CSNK1G3: variants seen among roughly 807,000 people sequenced by gnomAD.
CSNK1G3 encodes the protein casein kinase I isoform gamma-3.
A neutral mutation model predicts 64.3 loss-of-function variants in CSNK1G3; 23 were observed. The ratio of observed to expected loss-of-function variants is 0.36; its 90% CI spans 0.26 to 0.51. The LOEUF is 0.51. Ranked by LOEUF, CSNK1G3 falls within the 20% of genes least tolerant of loss-of-function variation. CSNK1G3 has a pLI of 0.96. For synonymous variants in CSNK1G3, 158 were observed against 162.2 expected (o/e 0.97, Z 0.20); for missense variants, 357 against 510.5 (o/e 0.70, Z 2.90).
At chr5:123,517,135 G>C (rs760877766) in intron 1 of CSNK1G3, among the ~76,000 whole-genome samples, 1 of 152,072 alleles carries the variant, frequency 6.6e-6, no homozygotes, top group Non-Finnish European at 1.5e-5. Flanking sequence ...AAAGACTCTC[G>C]GGAACACCCT....
At chr5:123,513,014 A>G (rs1166634635) in intron 1 of CSNK1G3, among the ~76,000 whole-genome samples, 2 of 151,880 alleles carry the variant, frequency 1.3e-5, no homozygotes, top group Admixed American at 6.5e-5. Context: ...TTCAGGCAGG[A>G]AGGAGGCATG....
chr5:123,608,826 ACT>A (rs1795813452), intron 12 of CSNK1G3, among the ~76,000 whole-genome samples: 3 of 152,048 alleles, frequency 2.0e-5, no homozygotes, highest in Admixed American at 1.3e-4. Context: ...TTCTAAGGTG[ACT>A]CTAAGGAGCA....
intron 1 of CSNK1G3, among the ~76,000 whole-genome samples, chr5:123,516,122 G>T (rs1298335514): frequency 1.3e-5 from 2 of 152,074 alleles, no homozygotes. Context: ...GATAGTATGT[G>T]TCTGAGTGTT....
chr5:123,558,680 A>T lies in CSNK1G3; in HGVS notation c.289+1116A>T, dbSNP rs191999207. 3.3e-3 allele frequency among the ~76,000 whole-genome samples: 501 copies of T among 152,354 alleles called. 5 individuals carry two copies. Among genetic ancestry groups the T allele is most frequent in the African/African-American group, 0.012 (493 of 41,588 alleles). ...ATGTGTTCATCACTACAGACTTCTT[A>T]TAATACATATTTAAGTCTGATACAG... On this transcript the variant is annotated intron_variant, in intron 4 of 12. Transcript: ENST00000345990.
intron 1 of CSNK1G3, among the ~76,000 whole-genome samples, chr5:123,518,940 A>G (rs1428953522): frequency 6.6e-6 from 1 of 152,168 alleles, no homozygotes; most frequent in Non-Finnish European, 1.5e-5. Context: ...TTGTATTTTT[A>G]GTATACATGG....
At chr5:123,594,526 C>T (rs897258472) in intron 10 of CSNK1G3, among the ~76,000 whole-genome samples, 1 of 152,094 alleles carries the variant, frequency 6.6e-6, no homozygotes, top group Non-Finnish European at 1.5e-5. Flanking sequence ...TCATATTATC[C>T]TTAGAATCAG....
intron 6 of CSNK1G3, among the ~76,000 whole-genome samples, chr5:123,586,410 C>T (rs551608047): frequency 4.6e-5 from 7 of 152,166 alleles, no homozygotes; most frequent in East Asian, 1.9e-4. Flanking sequence ...GTAAAATTTT[C>T]GTTATAAAAG....
chr5:123,572,270 T>A (rs956718216), intron 4 of CSNK1G3, among the ~76,000 whole-genome samples: 3 of 152,214 alleles, frequency 2.0e-5, no homozygotes, highest in African/African-American at 7.2e-5. Context: ...CTGTTTTGAT[T>A]CTGACAACTT....
At chr5:123,564,192 G>A (rs1786360171) in intron 4 of CSNK1G3, among the ~76,000 whole-genome samples, 1 of 151,996 alleles carries the variant, frequency 6.6e-6, no homozygotes, top group African/African-American at 2.4e-5. Context: ...TATGGAGAAT[G>A]GGTACATTTA....
chr5:123,593,261 A>G (rs1318281261), intron 10 of CSNK1G3, among the ~76,000 whole-genome samples: 2 of 151,528 alleles, frequency 1.3e-5, no homozygotes, highest in Non-Finnish European at 3.0e-5. Flanking sequence ...TCTTTAGGAT[A>G]GGCTTATATA....
At chr5:123,530,350 C>T (rs1023295335) in intron 1 of CSNK1G3, among the ~76,000 whole-genome samples, 109 of 152,154 alleles carry the variant, frequency 7.2e-4, no homozygotes, top group African/African-American at 2.6e-3. Context: ...AATAAGGTTT[C>T]TCATTTAATA....
At chr5:123,590,652 T>A in intron 9 of CSNK1G3, 94 bp downstream of exon 9, 2 of 799,062 alleles carry the variant, frequency 2.5e-6, no homozygotes, top group South Asian at 2.7e-5. Context: ...GAACAAATAG[T>A]TGTTTTAAAG....
chr5:123,576,512 A>G (rs1437954542), intron 6 of CSNK1G3, among the ~76,000 whole-genome samples: 2 of 152,090 alleles, frequency 1.3e-5, no homozygotes, highest in Admixed American at 6.6e-5. Flanking sequence ...ACTTCACAGG[A>G]TTTTTTATAG....
chr5:123,568,681 C>T (rs1257660585), intron 4 of CSNK1G3, among the ~76,000 whole-genome samples: 4 of 152,174 alleles, frequency 2.6e-5, no homozygotes, highest in Non-Finnish European at 5.9e-5. Context: ...AACCACTATG[C>T]TCCTCATCTT....
intron 1 of CSNK1G3, among the ~76,000 whole-genome samples, chr5:123,513,501 C>T (rs1776619782): frequency 6.6e-6 from 1 of 151,640 alleles, no homozygotes; most frequent in Non-Finnish European, 1.5e-5. Flanking sequence ...TAGTAAGCAC[C>T]CAGGCTGGTC....
At chr5:123,586,856 A>T (rs1432724045) in intron 6 of CSNK1G3, among the ~76,000 whole-genome samples, 1 of 152,230 alleles carries the variant, frequency 6.6e-6, no homozygotes, top group Non-Finnish European at 1.5e-5. Flanking sequence ...ATGGACTTAC[A>T]GTTCCACATG....
chr5:123,532,214 G>A (rs182676267), intron 1 of CSNK1G3, among the ~76,000 whole-genome samples: 3 of 151,884 alleles, frequency 2.0e-5, no homozygotes, highest in East Asian at 3.9e-4. Context: ...ACTATAAAGT[G>A]CAAAAATACA....
chr5:123,571,515 C>T (rs142673323), intron 4 of CSNK1G3, among the ~76,000 whole-genome samples: 87 of 152,188 alleles, frequency 5.7e-4, no homozygotes, highest in African/African-American at 2.0e-3. Context: ...ATCCAAATCA[C>T]TAATATTATA....
intron 2 of CSNK1G3, 154 bp downstream of exon 2, chr5:123,545,995 G>C: frequency 1.5e-6 from 1 of 684,010 alleles, no homozygotes. Context: ...TTTTGTAGTT[G>C]TATTTTCATG....
Sources: allele counts gnomAD v4.1 joint callset (sites outside exome capture counted in the v4.1 genomes callset), GRCh38; gene constraint gnomAD v4.1.1; transcripts MANE v1.5; gene names NCBI Gene and HGNC (gene_info 2026-07-23, HGNC 2026-07-21).